NTM: variants seen among roughly 807,000 people sequenced by gnomAD.
NTM encodes neurotrimin, also known as IgLON family member 2.
A neutral mutation model predicts 42.1 loss-of-function variants in NTM; 13 were observed. That is an observed-to-expected ratio of 0.31 (90% CI 0.20 to 0.49). The LOEUF (loss-of-function observed/expected upper bound fraction) is 0.49, where lower values mean the gene tolerates loss of function less well. Ranked by LOEUF, NTM falls within the 20% of genes least tolerant of loss-of-function variation. The probability of loss-of-function intolerance (pLI) is 0.99; values close to 1 mark genes in which losing one functional copy is unlikely to be tolerated. For synonymous variants in NTM, 187 were observed against 179.2 expected, an observed-to-expected ratio of 1.04 and a Z score of -0.35; for missense variants, 373 against 452.8, an observed-to-expected ratio of 0.82 and a Z score of 1.60.
At chr11:131,868,753 C>T (rs1178816588) in intron 1 of NTM, among the ~76,000 whole-genome samples, 1 of 152,192 alleles carries the variant, frequency 6.6e-6, no homozygotes, top group Non-Finnish European at 1.5e-5. Context: ...TCACATGCTA[C>T]CTTCCCTATA....
intron 1 of NTM, among the ~76,000 whole-genome samples, chr11:131,777,937 A>G (rs1347455221): frequency 6.6e-6 from 1 of 152,230 alleles, no homozygotes; most frequent in Non-Finnish European, 1.5e-5. Flanking sequence ...GGTGAGGGAC[A>G]AATATATTGA....
chr11:131,867,153 A>T (rs1471057217), intron 1 of NTM, among the ~76,000 whole-genome samples: 1 of 152,234 alleles, frequency 6.6e-6, no homozygotes, highest in African/African-American at 2.4e-5. Context: ...CAAAGACTGC[A>T]GTCCTACCCA....
chr11:132,319,720 G>A (rs917383586), intron 7 of NTM, among the ~76,000 whole-genome samples: 19 of 152,266 alleles, frequency 1.2e-4, no homozygotes, highest in African/African-American at 4.6e-4. Flanking sequence ...AAAGACAGCA[G>A]TAACCTCTGC....
At chr11:131,544,935 A>AT (rs2053733434) in intron 1 of NTM, among the ~76,000 whole-genome samples, 1 of 152,034 alleles carries the variant, frequency 6.6e-6, no homozygotes, top group African/African-American at 2.4e-5. Context: ...TAGCTTGATC[A>AT]TTTTCGGAAG....
At position 132,044,719 on chromosome 11, in the gene NTM, C is replaced by T. The variant is rs925089994; in HGVS notation, c.168-101563C>T. On this transcript the variant is annotated intron_variant, in intron 2 of 8. Coordinates refer to ENST00000683400, the MANE Select transcript of NTM (RefSeq NM_001352005.2). ...CCAGTGCTTTTCCCGAGCACAACTC[C>T]ATGGGACACTGCCTAGTGGAAGAGA... Among the ~76,000 whole-genome samples the T allele has an allele frequency of 2.6e-5, 4 of 152,214 alleles. No individual in the cohort carries two copies. The East Asian group carries it at 7.7e-4, about 29-fold the overall frequency.
chr11:131,808,769 A>G (rs2092621599), intron 1 of NTM, among the ~76,000 whole-genome samples: 1 of 152,180 alleles, frequency 6.6e-6, no homozygotes, highest in Non-Finnish European at 1.5e-5. Flanking sequence ...AGGAGGGGGA[A>G]TATTCAAAAT....
rs368291454 is a variant in NTM, at chr11:131,795,676, C to T, written c.83-115888C>T. 214 of 985,338 alleles carry T rather than the reference C, an allele frequency of 2.2e-4. 2 individuals carry two copies. Among genetic ancestry groups the T allele is most frequent in the African/African-American group, 2.8e-4 (16 of 57,314 alleles). The allele number at this position is 985,338 out of a possible 1,614,324, so 61.0% of individuals were successfully genotyped here. ...AGTGCCAGTGCCCATAAGTTCAGGG[C>T]GAACAGCAGATATTTACGGCATTTT... On this transcript the variant is annotated intron_variant, in intron 1 of 8. Coordinates refer to ENST00000683400, the MANE Select transcript of NTM (RefSeq NM_001352005.2).
chr11:131,502,224 C>G (rs1565571639), intron 1 of NTM, among the ~76,000 whole-genome samples: 1 of 152,056 alleles, frequency 6.6e-6, no homozygotes, highest in East Asian at 1.9e-4. Flanking sequence ...TAGGTCATGG[C>G]AGAGAGGCCT....
At chr11:131,634,933 C>A (rs1240556935) in intron 1 of NTM, among the ~76,000 whole-genome samples, 1 of 152,170 alleles carries the variant, frequency 6.6e-6, no homozygotes. Context: ...ACAGAAGCTG[C>A]ATATTCATTT....
At chr11:131,605,785 T>A in intron 1 of NTM, 1 of 984,994 alleles carries the variant, frequency 1.0e-6, no homozygotes, top group Non-Finnish European at 1.2e-6. Context: ...CCTATTCAAT[T>A]TGAAGTCAGC....
intron 4 of NTM, among the ~76,000 whole-genome samples, chr11:132,288,857 G>A (rs537563910): frequency 2.0e-5 from 3 of 152,274 alleles, no homozygotes; most frequent in Non-Finnish European, 4.4e-5. Context: ...CTGGCCTCAG[G>A]TGATCCACCC....
intron 2 of NTM, among the ~76,000 whole-genome samples, chr11:131,931,950 G>A (rs1014578958): frequency 6.6e-6 from 1 of 152,224 alleles, no homozygotes; most frequent in Non-Finnish European, 1.5e-5. Flanking sequence ...AGTTGTGCGT[G>A]GCCTTCACGA....
chr11:131,494,684 T>C (rs529765241), intron 1 of NTM, among the ~76,000 whole-genome samples: 2 of 152,340 alleles, frequency 1.3e-5, no homozygotes, highest in African/African-American at 4.8e-5. Context: ...ATGTTTCATC[T>C]ATCCATGAAA....
At chr11:131,381,176 A>C (rs566888286) in intron 1 of NTM, among the ~76,000 whole-genome samples, 3 of 152,200 alleles carry the variant, frequency 2.0e-5, no homozygotes, top group Non-Finnish European at 4.4e-5. Flanking sequence ...AGAGGGAAGA[A>C]TGGGGACAGG....
intron 2 of NTM, among the ~76,000 whole-genome samples, chr11:132,043,193 G>C (rs2077437011): frequency 1.3e-5 from 2 of 152,010 alleles, no homozygotes; most frequent in South Asian, 4.1e-4. Flanking sequence ...TCACATTCTT[G>C]CTACTGCTTA....
At chr11:132,191,284 G>A (rs1039646486) in intron 3 of NTM, among the ~76,000 whole-genome samples, 1 of 152,166 alleles carries the variant, frequency 6.6e-6, no homozygotes. Context: ...AAGTGCTGGT[G>A]CCAGTGATCT....
chr11:131,570,572 C>G (rs553621243), intron 1 of NTM, among the ~76,000 whole-genome samples: 1 of 152,314 alleles, frequency 6.6e-6, no homozygotes, highest in South Asian at 2.1e-4. Flanking sequence ...CGCCTGTAAT[C>G]CCAGCACTTT....
chr11:131,403,241 A>G (rs947294391), intron 1 of NTM, among the ~76,000 whole-genome samples: 1 of 152,166 alleles, frequency 6.6e-6, no homozygotes, highest in Non-Finnish European at 1.5e-5. Context: ...CTGAGTGAGC[A>G]ATGGCTCAAG....
intron 1 of NTM, among the ~76,000 whole-genome samples, chr11:131,608,099 A>G (rs1465621387): frequency 6.6e-6 from 1 of 151,812 alleles, no homozygotes; most frequent in Non-Finnish European, 1.5e-5. Context: ...TCCTGTGTCC[A>G]TGTGTTCTCA....
Sources: gnomAD v4.1 joint callset for allele counts (sites outside exome capture counted in the v4.1 genomes callset) on GRCh38, gnomAD v4.1.1 for gene constraint, MANE v1.5 for transcripts, NCBI Gene and HGNC (gene_info 2026-07-23, HGNC 2026-07-21) for gene names.